GPM6B: variants seen among roughly 807,000 people sequenced by gnomAD.
The protein encoded by GPM6B is neuronal membrane glycoprotein M6-b.
GPM6B carries 4 observed loss-of-function variants against 27.2 expected under a neutral mutation model. The ratio of observed to expected loss-of-function variants is 0.15; its 90% CI spans 0.07 to 0.34. The LOEUF (loss-of-function observed/expected upper bound fraction) is 0.34, where lower values mean the gene tolerates loss of function less well. Among genes scored for constraint, GPM6B ranks in the 10% least tolerant of loss-of-function variants. The pLI, the probability that GPM6B is intolerant of heterozygous loss-of-function variation, is 1.00. For synonymous variants in GPM6B, 124 were observed against 103.1 expected (o/e 1.20, Z -1.23); for missense variants, 183 against 261.9 (o/e 0.70, Z 2.08).
intron 6 of GPM6B, 53 bp from the exon 7 acceptor site, chrX:13,776,356 T>G: frequency 1.0e-6 from 1 of 981,344 alleles, no homozygotes; most frequent in South Asian, 2.2e-5. Context: ...TGAAATGGCC[T>G]ACACTCATTG....
chrX:13,790,313 GAT>G (rs1416022200), intron 2 of GPM6B, among the ~76,000 whole-genome samples: 1 of 112,388 alleles, frequency 8.9e-6, no homozygotes, highest in Non-Finnish European at 1.9e-5. Flanking sequence ...GTCAAGAAAA[GAT>G]ATGAGTGGAC....
intron 1 of GPM6B, among the ~76,000 whole-genome samples, chrX:13,815,271 T>C (rs192624841): frequency 3.8e-4 from 43 of 112,227 alleles, no homozygotes; most frequent in African/African-American, 1.2e-3. Context: ...ATGTACTAAG[T>C]AAAATCATCA....
chrX:13,904,680 C>G (rs928035370), intron 1 of GPM6B, among the ~76,000 whole-genome samples: 1 of 110,624 alleles, frequency 9.0e-6, no homozygotes, highest in Non-Finnish European at 1.9e-5. Context: ...TTTGCAGACC[C>G]CTACGTTAGA....
upstream of GPM6B, chrX:13,938,479 G>T: frequency 2.1e-6 from 2 of 931,081 alleles, no homozygotes; most frequent in South Asian, 1.1e-4. Flanking sequence ...GACCGTGGCC[G>T]TGGCGCGCAG....
intron 1 of GPM6B, among the ~76,000 whole-genome samples, chrX:13,855,041 CAG>C (rs1306504233): frequency 2.8e-5 from 3 of 109,074 alleles, no homozygotes; most frequent in Admixed American, 9.8e-5. Context: ...TTTTTTGACA[CAG>C]AGTCTCGCTC....
At chrX:13,896,346 C>T (rs1309392939) in intron 1 of GPM6B, among the ~76,000 whole-genome samples, 1 of 107,860 alleles carries the variant, frequency 9.3e-6, no homozygotes, top group Non-Finnish European at 1.9e-5. Flanking sequence ...TGAAAGGTGT[C>T]ACCCCAAGTT....
intron 1 of GPM6B, among the ~76,000 whole-genome samples, chrX:13,921,581 CT>C (rs35264990): frequency 1.4e-4 from 13 of 92,781 alleles, no homozygotes; most frequent in South Asian, 5.5e-4. Flanking sequence ...AACCCCCCCC[CT>C]TTTTTTTTTT....
chrX:13,788,502 G>A (rs1169828619), intron 2 of GPM6B, among the ~76,000 whole-genome samples: 2 of 108,667 alleles, frequency 1.8e-5, no homozygotes, highest in Admixed American at 2.0e-4. Context: ...TGGTGACACT[G>A]ATATATAACC....
chrX:13,888,685 C>T lies in GPM6B; in HGVS notation c.-198+49642G>A, dbSNP rs1189360735. Among the ~76,000 whole-genome samples, 3 of 111,045 alleles carry T rather than the reference C, an allele frequency of 2.7e-5. No homozygotes were observed. In the East Asian group the frequency reaches 8.5e-4, roughly 31 times the overall value. ...CACCAACCCCCACCCCCTTTTTTTT[C>T]CTGTTTTGTTTGGTGGTGAAAAACC... is the stretch of plus-strand genomic sequence containing the variant. On this transcript the variant is annotated intron_variant, in intron 1 of 6. Coordinates refer to the GPM6B transcript ENST00000398361.
At chrX:13,935,951 T>A (rs1921818047) in intron 1 of GPM6B, among the ~76,000 whole-genome samples, 1 of 112,413 alleles carries the variant, frequency 8.9e-6, no homozygotes, top group Non-Finnish European at 1.9e-5. Context: ...AGACATCAAT[T>A]GGCTCATTCC....
At chrX:13,934,229 T>C (rs1921718519) in intron 1 of GPM6B, among the ~76,000 whole-genome samples, 1 of 111,310 alleles carries the variant, frequency 9.0e-6, no homozygotes, top group African/African-American at 3.3e-5. Flanking sequence ...AAGGGAGCTC[T>C]CTCCAAGATC....
intron 1 of GPM6B, among the ~76,000 whole-genome samples, chrX:13,880,171 T>G (rs1023005865): frequency 5.4e-5 from 6 of 111,613 alleles, no homozygotes; most frequent in African/African-American, 2.0e-4. Flanking sequence ...GCAGGCCACG[T>G]TAGCGTAAAG....
chrX:13,883,711 A>G (rs1452952228), intron 1 of GPM6B, among the ~76,000 whole-genome samples: 3 of 102,008 alleles, frequency 2.9e-5, no homozygotes, highest in Non-Finnish European at 6.0e-5. Context: ...AAAAAAAAAA[A>G]TTAGTCAGGC....
At chrX:13,783,695 C>T in intron 3 of GPM6B, 174 bp from the exon 4 acceptor site, 1 of 464,759 alleles carries the variant, frequency 2.2e-6, no homozygotes. Flanking sequence ...GCCCATGTCC[C>T]AGCAACCTGG....
At chrX:13,789,700 G>A (rs1053563265) in intron 2 of GPM6B, among the ~76,000 whole-genome samples, 4 of 111,214 alleles carry the variant, frequency 3.6e-5, no homozygotes, top group East Asian at 5.8e-4. Flanking sequence ...GCGTGAACCC[G>A]GAAGGCGGAG....
Position 13,783,539 on chromosome X carries a change from G to A in GPM6B, c.369-18C>T. 8.6e-7 allele frequency: 1 copy of A among 1,166,551 alleles called. No homozygotes were observed. On this transcript the variant is annotated intron_variant, in intron 3 of 7. Transcript: ENST00000316715. ...GTTGTATCCTACAAAGAGAAGAAGA[G>A]ATCCTGAACCATTAAATTCACTGCC...
intron 1 of GPM6B, among the ~76,000 whole-genome samples, chrX:13,843,302 T>C (rs1041882681): frequency 7.1e-5 from 8 of 112,480 alleles, no homozygotes; most frequent in African/African-American, 2.6e-4. Context: ...TGAATCATAC[T>C]GCATTGCAGG....
chrX:13,817,772 CACT>C (rs1375548660), upstream of GPM6B, among the ~76,000 whole-genome samples: 2 of 111,843 alleles, frequency 1.8e-5, no homozygotes, highest in African/African-American at 6.5e-5. Context: ...TATTAGAACC[CACT>C]CCCTTGTCTA....
intron 1 of GPM6B, among the ~76,000 whole-genome samples, chrX:13,886,297 T>C (rs16979342): frequency 0.031 from 3,412 of 111,776 alleles, 49 homozygotes; most frequent in Middle Eastern, 0.06. Context: ...AGGAACTCAA[T>C]TGCTATCTTT....
Sources: gnomAD v4.1 joint callset for allele counts (sites outside exome capture counted in the v4.1 genomes callset) on GRCh38, gnomAD v4.1.1 for gene constraint, MANE v1.5 for transcripts, NCBI Gene and HGNC (gene_info 2026-07-23, HGNC 2026-07-21) for gene names.